Variants in TMEM67 observed in about 807,000 individuals in gnomAD.
The protein encoded by TMEM67 is meckelin.
In TMEM67, 124 loss-of-function variants were observed where a neutral mutation model predicts 136.6. That is an observed-to-expected ratio of 0.91 (90% CI 0.78 to 1.05). The LOEUF (loss-of-function observed/expected upper bound fraction) is 1.05, where lower values mean the gene tolerates loss of function less well. Ranked by LOEUF, TMEM67 falls within the 50% of genes least tolerant of loss-of-function variation. The pLI is 0.00. For synonymous variants in TMEM67, 364 were observed against 390.5 expected, an observed-to-expected ratio of 0.93 and a Z score of 0.80; for missense variants, 1,107 against 1,178.4, an observed-to-expected ratio of 0.94 and a Z score of 0.89.
chr8:93,788,876 A>C (rs558021331), intron 14 of TMEM67, among the ~76,000 whole-genome samples: 1 of 152,246 alleles, frequency 6.6e-6, no homozygotes, highest in Non-Finnish European at 1.5e-5. Flanking sequence ...GCTGCACTGC[A>C]GAGAATGAGC....
chr8:93,754,972 CG>C lies in TMEM67; in HGVS notation c.61del (p.Ala21ProfsTer2). 6.2e-7 allele frequency: 1 copy of C among 1,614,174 alleles called. No homozygotes were observed. Among genetic ancestry groups the C allele is most frequent in the Non-Finnish European group, 8.5e-7 (1 of 1,180,034 alleles). ...GGCGGTTTGGTCCCTCTTATCCGCC[CG>C]GGCCGTGACCGCGTTCCTTCTGTTG... ...AMAVWSLLSA[R>X]AVTAFLLLFL... On this transcript the variant is annotated frameshift_variant, in exon 1 of 28. Transcript: ENST00000453321. LOFTEE classifies it high-confidence loss of function.
intron 7 of TMEM67, among the ~76,000 whole-genome samples, chr8:93,777,203 T>G (rs1813588063): frequency 6.6e-6 from 1 of 152,136 alleles, no homozygotes; most frequent in Non-Finnish European, 1.5e-5. Flanking sequence ...TGATATCGCC[T>G]TTATCATTTT....
intron 7 of TMEM67, among the ~76,000 whole-genome samples, chr8:93,776,764 T>C (rs1813562873): frequency 6.6e-6 from 1 of 152,240 alleles, no homozygotes; most frequent in Non-Finnish European, 1.5e-5. Context: ...CAGTATTTTA[T>C]TGAGGATTTT....
chr8:93,768,352 CT>C (rs1813173894), intron 6 of TMEM67, among the ~76,000 whole-genome samples: 1 of 152,026 alleles, frequency 6.6e-6, no homozygotes, highest in South Asian at 2.1e-4. Flanking sequence ...TGGCTCACAC[CT>C]GTAATCACAG....
chr8:93,755,064 C>T lies in TMEM67; in HGVS notation c.150C>T (p.Asp50=). ...SFPFQQPEKC[D]NNQYFDISAL... The stretch of plus-strand genomic sequence containing the variant: ...CTTTCCAGCAGCCGGAGAAGTGCGA[C>T]AACAACCAGTACTTTGATATCTCCG... The change falls in exon 1 of 28, where the codon GAC becomes GAT. Residue 50 remains aspartate, a synonymous_variant. Transcript: ENST00000453321. The T allele has an allele frequency of 6.2e-7, 1 of 1,614,236 alleles. No individual in the cohort carries two copies. The highest frequency in any genetic ancestry group is 8.5e-7 in the Non-Finnish European group (1 of 1,180,042).
At chr8:93,822,468 G>A (rs561120332), downstream of TMEM67, among the ~76,000 whole-genome samples, 1 of 152,350 alleles carries the variant, frequency 6.6e-6, no homozygotes, top group East Asian at 1.9e-4. Flanking sequence ...ACTCAAGTTT[G>A]TATTTGACCA....
chr8:93,826,725 A>G, the TMEM67 span, among the ~76,000 whole-genome samples: 1 of 152,216 alleles, frequency 6.6e-6, no homozygotes. Flanking sequence ...ATAACCTTCT[A>G]CAAGTAAATG....
At chr8:93,829,472 A>G in the TMEM67 span, among the ~76,000 whole-genome samples, 3 of 149,954 alleles carry the variant, frequency 2.0e-5, no homozygotes, top group Non-Finnish European at 4.4e-5. Context: ...CAGCACCTCC[A>G]CTCCTGCTCA....
the TMEM67 span, among the ~76,000 whole-genome samples, chr8:93,826,584 AG>A: frequency 1.3e-5 from 2 of 152,166 alleles, no homozygotes; most frequent in Non-Finnish European, 2.9e-5. Flanking sequence ...TCAAAAGTTT[AG>A]GTTTTAGTCC....
At chr8:93,779,725 G>C (rs1222250158) in intron 7 of TMEM67, among the ~76,000 whole-genome samples, 1 of 152,152 alleles carries the variant, frequency 6.6e-6, no homozygotes, top group African/African-American at 2.4e-5. Context: ...AAATATTGCT[G>C]CCTGATCCTT....
At chr8:93,782,367 A>G (rs1200450604) in intron 10 of TMEM67, 28 bp from the exon 11 acceptor site, 4 of 1,574,296 alleles carry the variant, frequency 2.5e-6, no homozygotes, top group Admixed American at 1.7e-5. Flanking sequence ...CATTTGTGAG[A>G]TTTATCTGTT....
At chr8:93,781,006 AGGAT>A in intron 9 of TMEM67, 24 bp downstream of exon 9, 9 of 1,333,824 alleles carry the variant, frequency 6.7e-6, no homozygotes, top group Non-Finnish European at 9.7e-6. Flanking sequence ...ATATCATTAG[AGGAT>A]AACTACATTT....
chr8:93,758,540 G>A lies in TMEM67; in HGVS notation c.370G>A (p.Glu124Lys), dbSNP rs375824494. The change falls in exon 3 of 28, where the codon GAA becomes AAA. Residue 124 changes from glutamate to lysine, a missense_variant. By Grantham distance (56) the Glu-to-Lys change is moderately conservative. Transcript: ENST00000453321. ...CISCPSDLTA[E>K]GKCHCPIGHI... The stretch of plus-strand genomic sequence containing the variant: ...TTCTTGCCCTAGTGACTTAACTGCC[G>A]AAGGAAAATGTCACTGTCCCATTGG... 1.1e-5 allele frequency: 17 copies of A among 1,613,874 alleles called. No individual in the cohort carries two copies. The highest frequency in any genetic ancestry group is 1.6e-4 in the Middle Eastern group (1 of 6,080).
intron 21 of TMEM67, among the ~76,000 whole-genome samples, chr8:93,800,329 C>A (rs967739830): frequency 6.6e-6 from 1 of 151,986 alleles, no homozygotes; most frequent in African/African-American, 2.4e-5. Flanking sequence ...ATAGTTCAAC[C>A]CCATGTTGAA....
chr8:93,768,792 C>T (rs1813196953), intron 6 of TMEM67, among the ~76,000 whole-genome samples: 1 of 152,016 alleles, frequency 6.6e-6, no homozygotes, highest in African/African-American at 2.4e-5. Context: ...CCAACCCCCT[C>T]ACTTTCTATT....
the TMEM67 span, among the ~76,000 whole-genome samples, chr8:93,825,593 A>G: frequency 1.1e-4 from 16 of 152,210 alleles, no homozygotes; most frequent in African/African-American, 2.4e-5. Flanking sequence ...AACCAGAACC[A>G]TGATGGTGTC....
At chr8:93,831,260 G>C in the TMEM67 span, among the ~76,000 whole-genome samples, 2 of 152,222 alleles carry the variant, frequency 1.3e-5, no homozygotes, top group Non-Finnish European at 2.9e-5. Flanking sequence ...GGAAGACAGG[G>C]GGCCTGGAGA....
chr8:93,786,199 ACTTTTTT>A lies in TMEM67; in HGVS notation c.1289-17_1289-11del. On this transcript the variant is annotated splice_polypyrimidine_tract_variant and intron_variant, in intron 12 of 27. Transcript: ENST00000453321. ...TTCATGTTTTAAATTTGTGCAGTAA[ACTTTTTT>A]CTTTTTATAATAAAAGACAGCAACT... is the stretch of plus-strand genomic sequence containing the variant. 1.2e-6 allele frequency: 2 copies of A among 1,611,112 alleles called. No homozygotes were observed. The highest frequency in any genetic ancestry group is 2.7e-5 in the African/African-American group (2 of 74,866).
chr8:93,759,484 A>G (rs1812727095), intron 3 of TMEM67: 2 of 150,564 alleles, frequency 1.3e-5, no homozygotes, highest in South Asian at 2.1e-4. Context: ...AAAAAAAAAA[A>G]GTAAAATATC....
Sources: allele counts gnomAD v4.1 joint callset (sites outside exome capture counted in the v4.1 genomes callset), GRCh38; gene constraint gnomAD v4.1.1; transcripts MANE v1.5; gene names NCBI Gene and HGNC (gene_info 2026-07-23, HGNC 2026-07-21).